The following FBN2 variants were observed in gnomAD, a reference collection of about 807,000 sequenced individuals.
FBN2 encodes the protein fibrillin 2.
In FBN2, 105 loss-of-function variants were observed where a neutral mutation model predicts 355.6. The ratio of observed to expected loss-of-function variants is 0.30; its 90% CI spans 0.25 to 0.35. The LOEUF is 0.35. FBN2 is among the 10% of genes least tolerant of loss of function. The pLI is 1.00. For synonymous variants in FBN2, 1,350 were observed against 1,301.2 expected (o/e 1.04, Z -0.81); for missense variants, 3,280 against 3,758.7 (o/e 0.87, Z 3.33).
At chr5:128,438,635 G>C (rs1012992047) in intron 7 of FBN2, among the ~76,000 whole-genome samples, 1 of 152,082 alleles carries the variant, frequency 6.6e-6, no homozygotes, top group African/African-American at 2.4e-5. Flanking sequence ...TACTGTTCTG[G>C]GGGATAAAGG....
intron 15 of FBN2, among the ~76,000 whole-genome samples, chr5:128,373,950 C>G (rs977643585): frequency 3.3e-5 from 5 of 152,110 alleles, no homozygotes; most frequent in Non-Finnish European, 1.5e-5. Context: ...GCTTTTGATG[C>G]AAGTCCAATA....
intron 5 of FBN2, among the ~76,000 whole-genome samples, chr5:128,510,428 A>G (rs1344204125): frequency 6.6e-6 from 1 of 152,180 alleles, no homozygotes; most frequent in Non-Finnish European, 1.5e-5. Context: ...GCGGAAGTCA[A>G]AAGGTTCACA....
intron 4 of FBN2, among the ~76,000 whole-genome samples, chr5:128,523,813 G>A (rs1756497805): frequency 6.6e-6 from 1 of 151,856 alleles, no homozygotes; most frequent in Non-Finnish European, 1.5e-5. Flanking sequence ...GTCCATCAGA[G>A]TATACCTCCA....
chr5:128,537,511 C>A lies in FBN2; in HGVS notation c.93G>T (p.Gln31His), dbSNP rs371491169. 1.8e-5 allele frequency: 29 copies of A among 1,577,330 alleles called. No individual in the cohort carries two copies. The African/African-American group carries it at 3.2e-4, about 18-fold the overall frequency. The change falls in exon 1 of 65, where the codon CAG becomes CAT. Residue 31 changes from glutamine to histidine, a missense_variant. Physicochemically the swap from Gln to His is conservative, Grantham distance 24 (BLOSUM62 0). Around this residue, in one of 6 missense-constraint regions of FBN2, gnomAD observed 203 missense variants for 142.2 expected, o/e 1.43. Coordinates refer to ENST00000262464, the MANE Select transcript of FBN2 (RefSeq NM_001999.4). Reference sequence around the variant, plus strand: ...GCCGGGGCGGCTTGGGCGGAGGAGGCTGAGGCTGGCCGGCCGTGCCCTGCG... The same window carrying A: ...GCCGGGGCGGCTTGGGCGGAGGAGGATGAGGCTGGCCGGCCGTGCCCTGCG... ...LWAQGTAGQP[Q>H]PPPPKPPRPQ...
At position 128,278,627 on chromosome 5, in the gene FBN2, C is replaced by T; in HGVS notation, c.7345+8G>A. The stretch of plus-strand genomic sequence containing the variant: ...TGATTATATGAATAAATTTCCTCAA[C>T]TCCTTACCTCTTCCATCAGTTGTAT... On this transcript the variant is annotated splice_region_variant and intron_variant, in intron 57 of 64. Coordinates refer to ENST00000262464, the MANE Select transcript of FBN2 (RefSeq NM_001999.4). 1 of 1,612,348 alleles carries T rather than the reference C, an allele frequency of 6.2e-7. No homozygotes were observed. Among genetic ancestry groups the T allele is most frequent in the Non-Finnish European group, 8.5e-7 (1 of 1,178,378 alleles).
chr5:128,356,122 C>T (rs911312786), intron 20 of FBN2, among the ~76,000 whole-genome samples: 1 of 152,048 alleles, frequency 6.6e-6, no homozygotes, highest in Non-Finnish European at 1.5e-5. Context: ...TGGCTCCAAC[C>T]CACACACCCC....
At chr5:128,340,339 T>C (rs1267286460) in intron 25 of FBN2, among the ~76,000 whole-genome samples, 1 of 152,206 alleles carries the variant, frequency 6.6e-6, no homozygotes, top group East Asian at 1.9e-4. Context: ...AGCTTTTACT[T>C]AGTTTTTCTG....
rs746570981 is a variant in FBN2, at chr5:128,336,003, G to A, written c.3709C>T (p.Arg1237Cys). The A allele has an allele frequency of 3.9e-5, 63 of 1,613,908 alleles. No homozygotes were observed. The highest frequency in any genetic ancestry group is 4.8e-5 in the Non-Finnish European group (57 of 1,179,980). ...CTCCCCTTACCTGTACAGCCCTGGC[G>A]GTCTGGCGTAGCCTGATATCCAGGA... ...CNPGYQATPD[R>C]QGCTDIDECM... is the part of the protein sequence containing the mutation. The change falls in exon 28 of 65, where the codon CGC becomes TGC. Residue 1237 changes from arginine (R) to cysteine (C), a missense_variant. Arg to Cys is a radical substitution (Grantham distance 180). This residue lies in a region of FBN2 where 2,284 missense variants were observed against 2,749.5 expected (regional missense o/e 0.83). Transcript: ENST00000262464.
At chr5:128,272,561 A>C (rs1439679657) in intron 61 of FBN2, among the ~76,000 whole-genome samples, 1 of 150,898 alleles carries the variant, frequency 6.6e-6, no homozygotes, top group Admixed American at 6.6e-5. Flanking sequence ...GGAGGATAGA[A>C]GCATTACAGA....
chr5:128,289,364 A>G, intron 51 of FBN2, 112 bp from the exon 52 acceptor site: 1 of 1,064,696 alleles, frequency 9.4e-7, no homozygotes, highest in Non-Finnish European at 1.4e-6. Context: ...TGGGTGGATC[A>G]CCTGAGGTCA....
At chr5:128,266,942 C>A (rs1765130052) in intron 62 of FBN2, among the ~76,000 whole-genome samples, 1 of 152,044 alleles carries the variant, frequency 6.6e-6, no homozygotes. Flanking sequence ...GCTGCACCTA[C>A]TGACTCATCT....
At chr5:128,469,259 T>G (rs1444375390) in intron 5 of FBN2, among the ~76,000 whole-genome samples, 1 of 152,076 alleles carries the variant, frequency 6.6e-6, no homozygotes, top group Non-Finnish European at 1.5e-5. Context: ...GGAAGCAAGG[T>G]GCACCTAGGG....
At chr5:128,394,284 T>C (rs1752592326) in intron 9 of FBN2, among the ~76,000 whole-genome samples, 1 of 152,220 alleles carries the variant, frequency 6.6e-6, no homozygotes, top group African/African-American at 2.4e-5. Context: ...CATTAATTTG[T>C]ACTTTACTAC....
intron 5 of FBN2, among the ~76,000 whole-genome samples, chr5:128,465,456 G>T (rs1247986612): frequency 3.3e-5 from 5 of 152,126 alleles, no homozygotes; most frequent in Non-Finnish European, 1.5e-5. Flanking sequence ...TTCTGACTAG[G>T]TGAACAAGAG....
chr5:128,417,028 CGTAA>C lies in FBN2; in HGVS notation c.953-8233_953-8230del, dbSNP rs137898564. Among the ~76,000 whole-genome samples, 615 of 152,168 alleles carry C rather than the reference CGTAA, an allele frequency of 4.0e-3. 3 individuals carry two copies. The highest frequency in any genetic ancestry group is 0.014 in the African/African-American group (575 of 41,522). On this transcript the variant is annotated intron_variant, in intron 7 of 64. Coordinates refer to ENST00000262464, the MANE Select transcript of FBN2 (RefSeq NM_001999.4). Reference sequence around the variant, plus strand: ...TGTTTGTGTCCCCTTCAATTTCTTTCGTAAGTGTTTTGCAGTTTTCCTTATGGAA... The same window carrying C: ...TGTTTGTGTCCCCTTCAATTTCTTTCGTGTTTTGCAGTTTTCCTTATGGAA...
chr5:128,403,156 A>G (rs1752841571), intron 8 of FBN2, among the ~76,000 whole-genome samples: 1 of 152,144 alleles, frequency 6.6e-6, no homozygotes, highest in Admixed American at 6.5e-5. Context: ...TGTAATACAT[A>G]AATAATTCTG....
At chr5:128,354,913 T>A (rs190197981) in intron 20 of FBN2, among the ~76,000 whole-genome samples, 81 of 152,292 alleles carry the variant, frequency 5.3e-4, no homozygotes, top group African/African-American at 1.8e-3. Context: ...GGTGGCAAGG[T>A]TGAGGCCTAG....
chr5:128,290,712 G>C lies in FBN2; in HGVS notation c.6445+20C>G, dbSNP rs377305909. 2 of 1,613,350 alleles carry C rather than the reference G, an allele frequency of 1.2e-6. No homozygotes were observed. The highest frequency in any genetic ancestry group is 3.3e-5 in the Admixed American group (2 of 60,022). On this transcript the variant is annotated intron_variant, in intron 50 of 64. Transcript: ENST00000262464. ...AAAACTGGTACACAAAGTGCTGTCTGATGATGTCATTGCTCTTACCTTCAT... is the reference window on the plus strand; with the variant it reads ...AAAACTGGTACACAAAGTGCTGTCTCATGATGTCATTGCTCTTACCTTCAT...
chr5:128,408,865 T>A, intron 7 of FBN2, 66 bp from the exon 8 acceptor site: 3 of 1,582,574 alleles, frequency 1.9e-6, no homozygotes, highest in Non-Finnish European at 2.6e-6. Context: ...TAAAAGAGAT[T>A]TTTTTTTTAA....
Sources: allele counts gnomAD v4.1 joint callset (sites outside exome capture counted in the v4.1 genomes callset), GRCh38; gene constraint gnomAD v4.1.1; regional missense constraint gnomAD v4.1.1; transcripts MANE v1.5; gene names NCBI Gene and HGNC (gene_info 2026-07-23, HGNC 2026-07-21).